Variants in MYO9A observed in about 807,000 individuals in gnomAD.
The protein encoded by MYO9A is unconventional myosin-IXa.
MYO9A carries 103 observed loss-of-function variants against 293.3 expected under a neutral mutation model. The observed-to-expected ratio is 0.35, with a 90% CI of 0.30 to 0.41. The LOEUF is 0.41. Among genes scored for constraint, MYO9A ranks in the 10% least tolerant of loss-of-function variants. The pLI is 1.00. For missense variants in MYO9A, 2,685 were observed against 3,033.0 expected (o/e 0.89, Z 2.69); for synonymous variants, 1,001 against 1,035.7 (o/e 0.97, Z 0.64).
At chr15:71,994,367 C>T in intron 10 of MYO9A, 102 bp downstream of exon 10, 1 of 629,378 alleles carries the variant, frequency 1.6e-6, no homozygotes, top group Non-Finnish European at 2.6e-6. Context: ...CGATTTCTTA[C>T]TTATTACTCT....
Position 71,899,866 on chromosome 15 carries a change from T to C in MYO9A, c.3291A>G (p.Leu1097=). ...GCTGGATAACGATGGCTGCAGCCCG[T>C]AACTCCAAGTACCGCTGCCTCTCTA... is the stretch of plus-strand genomic sequence containing the variant. ...AHLERQRYLE[L]RAAAIVIQQK... Residue 1097 remains leucine (L), a synonymous_variant, in exon 24 of 42, where the codon TTA becomes TTG. Transcript: ENST00000356056. 6.2e-7 allele frequency: 1 copy of C among 1,614,114 alleles called. No individual in the cohort carries two copies.
intron 32 of MYO9A, among the ~76,000 whole-genome samples, chr15:71,869,824 C>G (rs1055565697): frequency 1.3e-5 from 2 of 152,146 alleles, no homozygotes; most frequent in African/African-American, 4.8e-5. Context: ...TCTTTCAAGT[C>G]ACTCAACATT....
chr15:71,986,209 G>T (rs546886720), intron 11 of MYO9A, among the ~76,000 whole-genome samples: 3 of 152,296 alleles, frequency 2.0e-5, no homozygotes, highest in African/African-American at 4.8e-5. Context: ...AAGAAACTGA[G>T]AGATGATCTA....
At chr15:71,956,998 G>A (rs1371990623) in intron 14 of MYO9A, among the ~76,000 whole-genome samples, 1 of 151,882 alleles carries the variant, frequency 6.6e-6, no homozygotes, top group African/African-American at 2.4e-5. Flanking sequence ...CCATTCATCA[G>A]TTGATGGAAC....
In MYO9A at chr15:71,883,624, C is replaced by A; in HGVS notation, c.5368G>T (p.Asp1790Tyr). The A allele has an allele frequency of 6.2e-7, 1 of 1,613,516 alleles. No individual in the cohort carries two copies. The highest frequency in any genetic ancestry group is 8.5e-7 in the Non-Finnish European group (1 of 1,179,742). ...GGAAACTGATGAGCTGGAATCACAT[C>A]TGTGCCTGCAAAGAGTGGCGAAACC... is the stretch of plus-strand genomic sequence containing the variant. Reference protein sequence around the residue: ...SEVSPLFAGTDVIPAHQFPDE... With the variant: ...SEVSPLFAGTYVIPAHQFPDE... The change falls in exon 28 of 42, where the codon GAT becomes TAT. Residue 1790 changes from aspartate to tyrosine, a missense_variant. Transcript: ENST00000356056.
At position 71,825,995 on chromosome 15, in the gene MYO9A, G is replaced by GTTTTTTTTTTTTGTTTTTTTTTTT. The variant is rs2054472343; in HGVS notation, c.*584_*585insAAAAAAAAAAACAAAAAAAAAAAA. On this transcript the variant is annotated 3_prime_UTR_variant, in exon 42 of 42. Coordinates refer to ENST00000356056, the MANE Select transcript of MYO9A (RefSeq NM_006901.4). ...ATGGAAACAATCACGGTTTTTTTTT[G>GTTTTTTTTTTTTGTTTTTTTTTTT]TTTTTTTTTTTTTGTTTTTTTTTTT... 2.2e-5 allele frequency: 2 copies of GTTTTTTTTTTTTGTTTTTTTTTTT among 91,520 alleles called. No individual in the cohort carries two copies. Among genetic ancestry groups the GTTTTTTTTTTTTGTTTTTTTTTTT allele is most frequent in the African/African-American group, 8.8e-5 (2 of 22,732 alleles). The allele number at this position is 91,520 out of a possible 1,614,324, so 5.7% of individuals were successfully genotyped here.
chr15:71,998,069 C>T (rs554172192), intron 9 of MYO9A, among the ~76,000 whole-genome samples: 1 of 152,250 alleles, frequency 6.6e-6, no homozygotes, highest in Non-Finnish European at 1.5e-5. Context: ...ATGGAATCAA[C>T]CTAAATGCTC....
At chr15:72,021,807 C>T (rs1399762727) in intron 4 of MYO9A, among the ~76,000 whole-genome samples, 1 of 152,124 alleles carries the variant, frequency 6.6e-6, no homozygotes, top group African/African-American at 2.4e-5. Context: ...ATGCATAATG[C>T]TGTGGACATG....
At chr15:71,846,861 C>T (rs983690525) in intron 39 of MYO9A, among the ~76,000 whole-genome samples, 8 of 152,150 alleles carry the variant, frequency 5.3e-5, no homozygotes, top group African/African-American at 1.7e-4. Context: ...AAGTCTAGAA[C>T]TAGTCCACCA....
At chr15:71,968,167 G>A (rs766472917) in intron 12 of MYO9A, 42 bp from the exon 13 acceptor site, 15 of 1,487,392 alleles carry the variant, frequency 1.0e-5, no homozygotes, top group Non-Finnish European at 1.4e-5. Context: ...ACAGAAAGAT[G>A]AGAAAGATGC....
At position 71,920,374 on chromosome 15, in the gene MYO9A, G is replaced by A. The variant is rs148977512; in HGVS notation, c.2563-3882C>T. ...GTGTGATAGTATTAAGAGGCGAAGG[G>A]GAGGGGCCCTTGGGAAGTAGCTGGG... On this transcript the variant is annotated intron_variant, in intron 18 of 41. Coordinates refer to ENST00000356056, the MANE Select transcript of MYO9A (RefSeq NM_006901.4). Among the ~76,000 whole-genome samples, 20 of 152,210 alleles carry A rather than the reference G, an allele frequency of 1.3e-4. No individual in the cohort carries two copies. The East Asian group carries it at 3.7e-3, about 28-fold the overall frequency.
At chr15:72,097,739 G>A (rs1176880221) in intron 1 of MYO9A, among the ~76,000 whole-genome samples, 1 of 151,936 alleles carries the variant, frequency 6.6e-6, no homozygotes, top group African/African-American at 2.4e-5. Context: ...GTAACCCCAT[G>A]TCTCTACTAA....
At chr15:71,989,450 C>T (rs1186889492) in intron 11 of MYO9A, among the ~76,000 whole-genome samples, 1 of 152,142 alleles carries the variant, frequency 6.6e-6, no homozygotes, top group Non-Finnish European at 1.5e-5. Context: ...GCGCAAGTCT[C>T]TTATATAAAA....
chr15:72,007,823 C>T lies in MYO9A; in HGVS notation c.1380+3G>A. Reference sequence around the variant, plus strand: ...AATGACAACTGAAAATGTAATCACTCACCTCTAATAATTCTGAGACAATAG... The same window carrying T: ...AATGACAACTGAAAATGTAATCACTTACCTCTAATAATTCTGAGACAATAG... On this transcript the variant is annotated splice_donor_region_variant and intron_variant, in intron 8 of 41. Coordinates refer to ENST00000356056, the MANE Select transcript of MYO9A (RefSeq NM_006901.4). 6.2e-7 allele frequency: 1 copy of T among 1,601,350 alleles called. No homozygotes were observed.
intron 1 of MYO9A, among the ~76,000 whole-genome samples, chr15:72,091,567 T>C (rs2079909807): frequency 6.6e-6 from 1 of 152,162 alleles, no homozygotes; most frequent in Non-Finnish European, 1.5e-5. Flanking sequence ...CAACTTTACC[T>C]GAACTACTCT....
chr15:71,913,240 A>T (rs1278992454), intron 19 of MYO9A, among the ~76,000 whole-genome samples: 2 of 152,100 alleles, frequency 1.3e-5, no homozygotes, highest in East Asian at 3.9e-4. Flanking sequence ...TGTCTAACCG[A>T]TGTTAATCCA....
intron 4 of MYO9A, among the ~76,000 whole-genome samples, chr15:72,023,260 G>A (rs1359959790): frequency 2.0e-5 from 3 of 152,252 alleles, no homozygotes; most frequent in East Asian, 1.9e-4. Context: ...ATTGACTCTC[G>A]TCTAAGGAAC....
intron 1 of MYO9A, among the ~76,000 whole-genome samples, chr15:72,082,084 T>A (rs758755183): frequency 7.2e-5 from 11 of 152,178 alleles, no homozygotes; most frequent in Non-Finnish European, 1.5e-4. Flanking sequence ...ATTGGTAGTT[T>A]GATAGGAATA....
chr15:71,892,978 C>T, intron 26 of MYO9A: 1 of 1,272,520 alleles, frequency 7.9e-7, no homozygotes, highest in Non-Finnish European at 1.0e-6. Context: ...TTCGGAGTCA[C>T]TGTGAGAGGC....
Sources: gnomAD v4.1 joint callset for allele counts (sites outside exome capture counted in the v4.1 genomes callset) on GRCh38, gnomAD v4.1.1 for gene constraint, MANE v1.5 for transcripts, NCBI Gene and HGNC (gene_info 2026-07-23, HGNC 2026-07-21) for gene names.